Variants in GPR19 observed in about 807,000 individuals in gnomAD.
The protein encoded by GPR19 is probable G protein-coupled receptor 19.
In GPR19, 14 loss-of-function variants were observed where a neutral mutation model predicts 28.5. That is an observed-to-expected ratio of 0.49 (90% CI 0.32 to 0.77). The LOEUF is 0.77. GPR19 is among the 30% of genes least tolerant of loss of function. The probability of loss-of-function intolerance (pLI) is 0.03; values close to 1 mark genes in which losing one functional copy is unlikely to be tolerated. For synonymous variants in GPR19, 173 were observed against 184.1 expected (o/e 0.94, Z 0.49); for missense variants, 409 against 504.1 (o/e 0.81, Z 1.81).
intron 3 of GPR19, among the ~76,000 whole-genome samples, chr12:12,679,091 C>T (rs1945982260): frequency 6.6e-6 from 1 of 152,186 alleles, no homozygotes; most frequent in Admixed American, 6.5e-5. Context: ...ACCACCGTGT[C>T]TGGCTCTTTA....
chr12:12,709,091 C>T, the GPR19 span, among the ~76,000 whole-genome samples: 2 of 151,510 alleles, frequency 1.3e-5, no homozygotes, highest in African/African-American at 4.9e-5. Context: ...TTAGGGATGA[C>T]TTGGGTTCAA....
the GPR19 span, among the ~76,000 whole-genome samples, chr12:12,715,295 C>T: frequency 1.3e-5 from 2 of 152,130 alleles, no homozygotes; most frequent in Non-Finnish European, 2.9e-5. Context: ...TGTTCCTTTT[C>T]CCCCAGTCTG....
chr12:12,697,375 C>CA (rs3214421), upstream of GPR19, among the ~76,000 whole-genome samples: 3 of 150,888 alleles, frequency 2.0e-5, no homozygotes, highest in Non-Finnish European at 4.4e-5. Context: ...CGTTTGAAAA[C>CA]AAAAAAAAAG....
intron 3 of GPR19, among the ~76,000 whole-genome samples, chr12:12,676,490 C>G (rs1170699607): frequency 1.3e-5 from 2 of 152,140 alleles, no homozygotes; most frequent in African/African-American, 4.8e-5. Context: ...GGGCCCAGCA[C>G]TGAGAGTTTT....
chr12:12,664,781 G>A (rs1189350013), intron 3 of GPR19, among the ~76,000 whole-genome samples: 1 of 151,850 alleles, frequency 6.6e-6, no homozygotes, highest in Non-Finnish European at 1.5e-5. Flanking sequence ...TTAGCCGGGC[G>A]TGGTGGCAGG....
chr12:12,695,311 A>T (rs1301406695), intron 2 of GPR19, 148 bp downstream of exon 2: 1 of 152,238 alleles, frequency 6.6e-6, no homozygotes, highest in African/African-American at 2.4e-5. Flanking sequence ...TGTCAGTGAC[A>T]CATCTGAGTA....
chr12:12,707,181 G>A, the GPR19 span, among the ~76,000 whole-genome samples: 11 of 152,148 alleles, frequency 7.2e-5, no homozygotes, highest in Non-Finnish European at 1.0e-4. Context: ...TCCTGTGCCT[G>A]CAACACAAAA....
At chr12:12,685,576 AG>A (rs1946084902) in intron 2 of GPR19, among the ~76,000 whole-genome samples, 1 of 152,208 alleles carries the variant, frequency 6.6e-6, no homozygotes, top group South Asian at 2.1e-4. Flanking sequence ...TGCTGACTAA[AG>A]AAAGGAAGAG....
At chr12:12,673,432 CTG>C (rs1945882190) in intron 3 of GPR19, among the ~76,000 whole-genome samples, 2 of 152,198 alleles carry the variant, frequency 1.3e-5, no homozygotes, top group African/African-American at 4.8e-5. Flanking sequence ...TGCCCTGACA[CTG>C]TGGTGCTGCT....
intron 3 of GPR19, among the ~76,000 whole-genome samples, chr12:12,679,428 CAAA>C (rs3080711): frequency 3.0e-3 from 368 of 123,956 alleles, no homozygotes; most frequent in Middle Eastern, 8.5e-3. Context: ...CTGTCTCTAT[CAAA>C]AAAAAAAAAA....
At chr12:12,716,981 T>TC in the GPR19 span, 2 of 992,864 alleles carry the variant, frequency 2.0e-6, no homozygotes, top group Non-Finnish European at 2.4e-6. Flanking sequence ...GGTCCTCTGG[T>TC]CCAGGTCCCG....
chr12:12,716,359 T>TTTGTTG, the GPR19 span, among the ~76,000 whole-genome samples: 1 of 151,996 alleles, frequency 6.6e-6, no homozygotes, highest in African/African-American at 2.4e-5. Flanking sequence ...TGAAATCTGG[T>TTTGTTG]GAGAGAGAAG....
chr12:12,693,899 C>T (rs1946221183), intron 2 of GPR19, among the ~76,000 whole-genome samples: 1 of 152,090 alleles, frequency 6.6e-6, no homozygotes, highest in African/African-American at 2.4e-5. Context: ...GATGGGGTTT[C>T]ACCATGTTGG....
In GPR19 at chr12:12,662,329, C is replaced by T. The variant is rs1244589471; in HGVS notation, c.120G>A (p.Leu40=). ...ETATPLPSQY[L]MELSEEHSWM... ...AACTGTGCTCCTCACTTAATTCCAT[C>T]AGGTATTGGCTTGGCAGAGGTGTGG... Residue 40 remains leucine, a synonymous_variant, in exon 4 of 4, where the codon CTG becomes CTA. Transcript: ENST00000651487. 1.2e-6 allele frequency: 2 copies of T among 1,614,092 alleles called. No individual in the cohort carries two copies. The highest frequency in any genetic ancestry group is 8.5e-7 in the Non-Finnish European group (1 of 1,180,056).
chr12:12,662,499 C>T (rs562022021), intron 3 of GPR19, 29 bp from the exon 4 acceptor site: 3 of 1,541,762 alleles, frequency 1.9e-6, no homozygotes, highest in African/African-American at 2.7e-5. Flanking sequence ...AATGAGGCCT[C>T]CTGTTAAAAA....
At chr12:12,683,057 T>C (rs1280213081) in intron 3 of GPR19, among the ~76,000 whole-genome samples, 2 of 152,226 alleles carry the variant, frequency 1.3e-5, no homozygotes, top group African/African-American at 4.8e-5. Flanking sequence ...AAAATATGCT[T>C]AGGCTGGCCT....
intron 2 of GPR19, among the ~76,000 whole-genome samples, chr12:12,693,546 C>G (rs955313428): frequency 4.6e-5 from 7 of 152,238 alleles, no homozygotes; most frequent in South Asian, 4.1e-4. Flanking sequence ...TCTATCTCTA[C>G]AGCTAAGCCT....
chr12:12,683,378 G>A (rs1053862814), intron 3 of GPR19, among the ~76,000 whole-genome samples: 10 of 152,236 alleles, frequency 6.6e-5, no homozygotes, highest in African/African-American at 1.9e-4. Flanking sequence ...CAAATTGACT[G>A]CTGACATCAT....
intron 2 of GPR19, among the ~76,000 whole-genome samples, chr12:12,689,360 C>T (rs1946148609): frequency 6.6e-6 from 1 of 152,182 alleles, no homozygotes; most frequent in Non-Finnish European, 1.5e-5. Flanking sequence ...TCAGTGCATA[C>T]TCTAGGTCCA....
Sources: allele counts gnomAD v4.1 joint callset (sites outside exome capture counted in the v4.1 genomes callset), GRCh38; gene constraint gnomAD v4.1.1; transcripts MANE v1.5; gene names NCBI Gene and HGNC (gene_info 2026-07-23, HGNC 2026-07-21).